ZMYND12: variants seen among roughly 807,000 people sequenced by gnomAD.
The protein encoded by ZMYND12 is zinc finger MYND-type containing 12, also known as zinc finger MYND domain-containing protein 12.
Under a neutral mutation model 41.7 loss-of-function variants are expected in ZMYND12, and 32 were observed. That is an observed-to-expected ratio of 0.77 (90% CI 0.58 to 1.03). ZMYND12 has a LOEUF of 1.03. Ranked by LOEUF, ZMYND12 falls within the 50% of genes least tolerant of loss-of-function variation. The probability of loss-of-function intolerance (pLI) is 0.00; values close to 1 mark genes in which losing one functional copy is unlikely to be tolerated. For missense variants in ZMYND12, 424 were observed against 438.5 expected (o/e 0.97, Z 0.30); for synonymous variants, 148 against 164.8 (o/e 0.90, Z 0.78).
chr1:42,440,987 G>A (rs1438986744), intron 3 of ZMYND12, among the ~76,000 whole-genome samples: 4 of 151,992 alleles, frequency 2.6e-5, no homozygotes, highest in African/African-American at 9.7e-5. Context: ...CTTTAAAAGG[G>A]TAAATTTTAT....
At chr1:42,440,464 T>C (rs945688998) in intron 3 of ZMYND12, among the ~76,000 whole-genome samples, 10 of 149,838 alleles carry the variant, frequency 6.7e-5, no homozygotes, top group African/African-American at 2.3e-4. Context: ...GAAAGTAGAC[T>C]AGTGGTGGCC....
At chr1:42,446,138 T>C (rs1184622920) in intron 3 of ZMYND12, among the ~76,000 whole-genome samples, 4 of 152,014 alleles carry the variant, frequency 2.6e-5, no homozygotes, top group African/African-American at 7.2e-5. Context: ...TCAGGGCCCA[T>C]GGAGCGGGAA....
At chr1:42,450,964 T>A (rs1643077763) in intron 1 of ZMYND12, among the ~76,000 whole-genome samples, 1 of 152,240 alleles carries the variant, frequency 6.6e-6, no homozygotes. Flanking sequence ...TCAATCTCTA[T>A]AAATTTATTG....
chr1:42,450,332 A>G (rs1399348668), intron 1 of ZMYND12, among the ~76,000 whole-genome samples: 1 of 152,196 alleles, frequency 6.6e-6, no homozygotes, highest in East Asian at 1.9e-4. Context: ...GCAATTGCTC[A>G]TAGTGTTCTC....
At chr1:42,452,074 T>C (rs1482295796) in intron 1 of ZMYND12, among the ~76,000 whole-genome samples, 1 of 152,178 alleles carries the variant, frequency 6.6e-6, no homozygotes, top group Non-Finnish European at 1.5e-5. Context: ...TTAAGCTGAA[T>C]TTGAATATCT....
chr1:42,433,381 T>G, intron 6 of ZMYND12, 93 bp from the exon 7 acceptor site: 1 of 1,424,294 alleles, frequency 7.0e-7, no homozygotes, highest in South Asian at 1.6e-5. Flanking sequence ...CCTGGTCTGC[T>G]GAAGCCTTCC....
In ZMYND12 at chr1:42,448,563, C is replaced by T; in HGVS notation, c.328G>A (p.Ala110Thr). The change falls in exon 3 of 8, where the codon GCA becomes ACA. Residue 110 changes from alanine (A) to threonine (T), a missense_variant. Coordinates refer to ENST00000372565, the MANE Select transcript of ZMYND12 (RefSeq NM_032257.5). The part of the protein sequence containing the change: ...FEGKHEDAVP[A>T]ALQSLRFRVK... ...CGGAAGCGAAGGGACTGCAAAGCTG[C>T]TGGTACAGCATCTTCGTGTTTCCCT... The T allele has an allele frequency of 6.2e-7, 1 of 1,613,848 alleles. No individual in the cohort carries two copies. Among genetic ancestry groups the T allele is most frequent in the Non-Finnish European group, 8.5e-7 (1 of 1,179,858 alleles).
At position 42,430,448 on chromosome 1, in the gene ZMYND12, C is replaced by A; in HGVS notation, c.*288G>T. The A allele has an allele frequency of 3.4e-6, 1 of 295,502 alleles. No individual in the cohort carries two copies. The highest frequency in any genetic ancestry group is 5.5e-5 in the East Asian group (1 of 18,192). 18.3% of individuals were successfully genotyped at this position (295,502 alleles called of 1,614,324 possible). On this transcript the variant is annotated 3_prime_UTR_variant, in exon 8 of 8. Coordinates refer to ENST00000372565, the MANE Select transcript of ZMYND12 (RefSeq NM_032257.5). ...TGACAAACTATTTGTAGTTTAATTA[C>A]AAATACCATATTAGTGATCTGACTA...
rs1412146182 is a variant in ZMYND12 at position 42,436,531 on chromosome 1, T to C, written c.607A>G (p.Ser203Gly). Reference sequence around the variant, plus strand: ...ATGTCCTCTGTTCCAAATGCACAACTGGCAAAATAAATCTATAGCAGAAGG... The same window carrying C: ...ATGTCCTCTGTTCCAAATGCACAACCGGCAAAATAAATCTATAGCAGAAGG... ...YHLANDIYFA[S>G]CAFGTEDIRT... The change falls in exon 5 of 8, where the codon AGT (serine) becomes GGT (glycine). Residue 203 changes from serine to glycine, a missense_variant. Physicochemically the swap from Ser to Gly is moderately conservative, Grantham distance 56. Coordinates refer to ENST00000372565, the MANE Select transcript of ZMYND12 (RefSeq NM_032257.5). The C allele has an allele frequency of 1.2e-6, 2 of 1,612,988 alleles. No individual in the cohort carries two copies. The highest frequency in any genetic ancestry group is 1.7e-6 in the Non-Finnish European group (2 of 1,179,240).
chr1:42,431,942 A>T (rs906731551), intron 7 of ZMYND12, among the ~76,000 whole-genome samples: 1 of 152,140 alleles, frequency 6.6e-6, no homozygotes, highest in African/African-American at 2.4e-5. Context: ...GAGGGAGGAA[A>T]GGAGTCTTAA....
intron 1 of ZMYND12, among the ~76,000 whole-genome samples, chr1:42,454,550 C>T (rs1379963983): frequency 2.0e-5 from 3 of 152,162 alleles, no homozygotes; most frequent in Non-Finnish European, 4.4e-5. Context: ...GCAGCCCATC[C>T]TCTTTCCTTA....
intron 7 of ZMYND12, among the ~76,000 whole-genome samples, chr1:42,431,559 C>G (rs142208669): frequency 1.9e-4 from 29 of 152,232 alleles, no homozygotes; most frequent in African/African-American, 6.7e-4. Context: ...ACAGCTGAGT[C>G]AAGTGAAGGC....
intron 3 of ZMYND12, among the ~76,000 whole-genome samples, chr1:42,446,634 A>C (rs11210646): frequency 0.33 from 49,533 of 148,420 alleles, 8,791 homozygotes; most frequent in East Asian, 0.59. Flanking sequence ...CCTGGGTGAC[A>C]GAGTGAGACT....
At chr1:42,434,570 C>G (rs1642886764) in intron 6 of ZMYND12, among the ~76,000 whole-genome samples, 1 of 151,976 alleles carries the variant, frequency 6.6e-6, no homozygotes, top group African/African-American at 2.4e-5. Context: ...GCATTACCAC[C>G]TGAGCTCCAC....
Position 42,430,796 on chromosome 1 carries a change from C to T in ZMYND12, c.1038G>A (p.Glu346=). ...LAKEQQLDVH[E]QSTIQELLSL... is the part of the protein sequence containing the mutation. ...TTAATAACTCTTGAATGGTGCTTTG[C>T]TCATGGACATCAAGCTGTTGTTCTT... The change falls in exon 8 of 8, where the codon GAG becomes GAA. Residue 346 remains glutamate (E), a synonymous_variant. Coordinates refer to ENST00000372565, the MANE Select transcript of ZMYND12 (RefSeq NM_032257.5). 6.2e-7 allele frequency: 1 copy of T among 1,614,188 alleles called. No homozygotes were observed. Among genetic ancestry groups the T allele is most frequent in the Non-Finnish European group, 8.5e-7 (1 of 1,180,032 alleles).
At chr1:42,455,829 C>G (rs1177231976) in intron 1 of ZMYND12, 59 bp downstream of exon 1, 15 of 1,366,118 alleles carry the variant, frequency 1.1e-5, no homozygotes, top group South Asian at 8.0e-5. Flanking sequence ...CAAGCCAGAC[C>G]CGGGAAAGGG....
rs939592599 is a variant in ZMYND12, at chr1:42,433,178, C to A, written c.940G>T (p.Val314Phe). The part of the protein sequence containing the change: ...QKTIFVLKIL[V>F]MFYYLMMNSS... ...TTCATCATCAGGTAGTAAAACATGA[C>A]CAGGATCTTCAGAACAAAGATGGTT... The change falls in exon 7 of 8, where the codon GTC becomes TTC. Residue 314 changes from valine (V) to phenylalanine (F), a missense_variant. By Grantham distance (50) the Val-to-Phe change is conservative. Transcript: ENST00000372565. 7 of 1,609,724 alleles carry A rather than the reference C, an allele frequency of 4.3e-6. No homozygotes were observed. Among genetic ancestry groups the A allele is most frequent in the Admixed American group, 3.4e-5 (2 of 59,282 alleles).
At chr1:42,455,380 C>A (rs1315445126) in intron 1 of ZMYND12, among the ~76,000 whole-genome samples, 1 of 152,270 alleles carries the variant, frequency 6.6e-6, no homozygotes, top group Non-Finnish European at 1.5e-5. Flanking sequence ...TCAAGCGATT[C>A]TTCTGCTTCA....
intron 4 of ZMYND12, among the ~76,000 whole-genome samples, chr1:42,439,014 G>A (rs1306911012): frequency 1.3e-5 from 2 of 152,172 alleles, no homozygotes; most frequent in African/African-American, 4.8e-5. Flanking sequence ...ATCGATAAGT[G>A]CTTTCTTATA....
Sources: gnomAD v4.1 joint callset for allele counts (sites outside exome capture counted in the v4.1 genomes callset) on GRCh38, gnomAD v4.1.1 for gene constraint, MANE v1.5 for transcripts, NCBI Gene and HGNC (gene_info 2026-07-23, HGNC 2026-07-21) for gene names.